The following SORBS2 variants were observed in gnomAD, a reference collection of about 807,000 sequenced individuals.
SORBS2 encodes the protein sorbin and SH3 domain-containing protein 2.
Under a neutral mutation model 97.7 loss-of-function variants are expected in SORBS2, and 46 were observed. That is an observed-to-expected ratio of 0.47 (90% confidence interval 0.37 to 0.60). SORBS2 has a LOEUF of 0.60. SORBS2 is among the 20% of genes least tolerant of loss of function. The pLI is 0.00. For missense variants in SORBS2, 1,316 were observed against 1,282.3 expected (o/e 1.03, Z -0.40); for synonymous variants, 476 against 473.4 (o/e 1.01, Z -0.07).
At chr4:185,735,238 C>A (rs2098675631) in intron 2 of SORBS2, among the ~76,000 whole-genome samples, 1 of 152,060 alleles carries the variant, frequency 6.6e-6, no homozygotes. Flanking sequence ...GCCTAATCAG[C>A]CTATTTCAAG....
chr4:185,869,167 G>A (rs977219126), intron 1 of SORBS2, among the ~76,000 whole-genome samples: 1 of 152,002 alleles, frequency 6.6e-6, no homozygotes, highest in African/African-American at 2.4e-5. Context: ...TAAGAATAGC[G>A]ATCTTATAAA....
chr4:185,946,250 G>A (rs956523235), intron 1 of SORBS2, among the ~76,000 whole-genome samples: 4 of 152,170 alleles, frequency 2.6e-5, no homozygotes, highest in Non-Finnish European at 4.4e-5. Flanking sequence ...GAGTAGATGT[G>A]TGTTTTCGAA....
chr4:185,677,044 G>A, intron 4 of SORBS2: 2 of 1,551,340 alleles, frequency 1.3e-6, no homozygotes, highest in South Asian at 2.4e-5. Flanking sequence ...GCAGATTTTT[G>A]TCTCTCTTGC....
intron 2 of SORBS2, among the ~76,000 whole-genome samples, chr4:185,704,054 G>A (rs2098303749): frequency 6.6e-6 from 1 of 152,120 alleles, no homozygotes; most frequent in African/African-American, 2.4e-5. Flanking sequence ...TTCTAAAAAG[G>A]TTTATTTTGT....
At chr4:185,587,637 T>C (rs1488821923) in exon 15 of SORBS2, 14 of 1,613,308 alleles carry the variant, frequency 8.7e-6, no homozygotes, top group Non-Finnish European at 1.2e-5. Flanking sequence ...TCACAGCCTC[T>C]TGACGTAGTT....
intron 4 of SORBS2, among the ~76,000 whole-genome samples, chr4:185,635,825 C>A (rs1478264645): frequency 6.6e-6 from 1 of 151,132 alleles, no homozygotes; most frequent in Non-Finnish European, 1.5e-5. Flanking sequence ...ACAGAATAGT[C>A]CCTATAAGCT....
chr4:185,627,115 C>T, intron 5 of SORBS2, 96 bp from the exon 18 acceptor site: 11 of 974,450 alleles, frequency 1.1e-5, no homozygotes, highest in Non-Finnish European at 1.6e-5. Context: ...AATGGCGTAA[C>T]TCCTAAACCT....
intron 4 of SORBS2, among the ~76,000 whole-genome samples, chr4:185,644,339 C>A (rs1285695200): frequency 3.3e-5 from 5 of 152,152 alleles, no homozygotes; most frequent in Admixed American, 3.3e-4. Context: ...CCAGTCACAT[C>A]TACTGGTCCT....
In SORBS2 at chr4:185,603,739, T is replaced by C. The variant is rs985328969; in HGVS notation, c.2796+8041A>G. Among the ~76,000 whole-genome samples, 4 of 152,352 alleles carry C rather than the reference T, an allele frequency of 2.6e-5. No homozygotes were observed. In the East Asian group the frequency reaches 7.7e-4, roughly 29 times the overall value. ...ACTAATTTCATGCTGTGGTTGTCAT[T>C]AAATCTCTTTCCAAGGCCAGTCATT... On this transcript the variant is annotated intron_variant, in intron 12 of 14. Coordinates refer to ENST00000418609, the Ensembl canonical transcript of SORBS2.
intron 9 of SORBS2, among the ~76,000 whole-genome samples, chr4:185,618,306 A>C (rs2096659340): frequency 6.6e-6 from 1 of 152,240 alleles, no homozygotes; most frequent in African/African-American, 2.4e-5. Context: ...TATTGACACA[A>C]AATTCTAAAA....
At chr4:185,730,151 A>T (rs1462380196) in intron 2 of SORBS2, among the ~76,000 whole-genome samples, 1 of 152,006 alleles carries the variant, frequency 6.6e-6, no homozygotes, top group Non-Finnish European at 1.5e-5. Context: ...ACGGGGTTTC[A>T]CTGTGTTAGC....
In SORBS2 at chr4:185,791,414, T is replaced by A. The variant is rs2099079428; in HGVS notation, c.-337-16048A>T. Among the ~76,000 whole-genome samples the A allele has an allele frequency of 2.6e-5, 4 of 152,134 alleles. No individual in the cohort carries two copies. In the South Asian group the frequency reaches 8.3e-4, roughly 32 times the overall value. On this transcript the variant is annotated intron_variant, in intron 1 of 20. Transcript: ENST00000284776. ...GGTCCAGGAGGGCCATGACTTCTGT[T>A]TTATTCATATAGCACAGTGCCTGCC...
chr4:185,728,376 T>C (rs2098580144), intron 2 of SORBS2, among the ~76,000 whole-genome samples: 2 of 152,202 alleles, frequency 1.3e-5, no homozygotes, highest in Non-Finnish European at 2.9e-5. Context: ...TGGATGGGAA[T>C]CAGTTGGAAG....
intron 2 of SORBS2, among the ~76,000 whole-genome samples, chr4:185,694,346 A>G (rs10434304): frequency 0.36 from 55,162 of 152,108 alleles, 10,412 homozygotes; most frequent in East Asian, 0.5. Flanking sequence ...GAATTGAACC[A>G]GGGACGAGAC....
chr4:185,942,492 A>G (rs1176625966), intron 1 of SORBS2, among the ~76,000 whole-genome samples: 1 of 151,972 alleles, frequency 6.6e-6, no homozygotes, highest in Non-Finnish European at 1.5e-5. Flanking sequence ...CTGGGATTAC[A>G]GGTGCCCACC....
intron 2 of SORBS2, among the ~76,000 whole-genome samples, chr4:185,745,234 G>C (rs1346519753): frequency 6.6e-6 from 1 of 152,170 alleles, no homozygotes; most frequent in Non-Finnish European, 1.5e-5. Context: ...GTGGGGACTA[G>C]GGAAGCAGTG....
chr4:185,670,063 A>G (rs1561815697), intron 4 of SORBS2, among the ~76,000 whole-genome samples: 2 of 152,022 alleles, frequency 1.3e-5, no homozygotes, highest in Non-Finnish European at 1.5e-5. Flanking sequence ...TACTAAAAAT[A>G]CAAAAATTAG....
intron 4 of SORBS2, chr4:185,677,739 C>T (rs1339765584): frequency 4.8e-5 from 44 of 922,378 alleles, no homozygotes; most frequent in Non-Finnish European, 4.9e-5. Flanking sequence ...CTTGCCTTTA[C>T]AGAAGTAAAG....
chr4:185,838,549 T>C (rs928035863), intron 1 of SORBS2, among the ~76,000 whole-genome samples: 1 of 152,206 alleles, frequency 6.6e-6, no homozygotes, highest in African/African-American at 2.4e-5. Context: ...GTAGTTCCAT[T>C]AGGGCCTCAC....
Sources: allele counts gnomAD v4.1 joint callset (sites outside exome capture counted in the v4.1 genomes callset), GRCh38; gene constraint gnomAD v4.1.1; transcripts MANE v1.5; gene names NCBI Gene and HGNC (gene_info 2026-07-23, HGNC 2026-07-21).